The following CEP295 variants were observed in gnomAD, a reference collection of about 807,000 sequenced individuals.
CEP295 encodes centrosomal protein 295, also known as centrosomal protein of 295 kDa.
A neutral mutation model predicts 291.6 loss-of-function variants in CEP295; 190 were observed. The observed-to-expected ratio is 0.65, with a 90% confidence interval of 0.58 to 0.73. The LOEUF (loss-of-function observed/expected upper bound fraction) is 0.73. CEP295 is among the 30% of genes least tolerant of loss of function. The pLI is 0.00. For synonymous variants in CEP295, 993 were observed against 1,038.8 expected (o/e 0.96, Z 0.85); for missense variants, 2,863 against 2,949.4 (o/e 0.97, Z 0.68).
In CEP295 at chr11:93,666,519, G is replaced by A. The variant is rs117886525; in HGVS notation, c.-26-163G>A. On this transcript the variant is annotated intron_variant, in intron 1 of 29. Transcript: ENST00000325212. ...TGAGGCATGAGAATCGCTTGAACACGGGAAGCAGAGGTTACAGTAAGCTGA... is the reference window on the plus strand; with the variant it reads ...TGAGGCATGAGAATCGCTTGAACACAGGAAGCAGAGGTTACAGTAAGCTGA... 3.2e-3 allele frequency among the ~76,000 whole-genome samples: 481 copies of A among 152,206 alleles called. 10 individuals are homozygous for A. The East Asian group carries it at 0.051, about 16-fold the overall frequency.
intron 19 of CEP295, 142 bp downstream of exon 19, chr11:93,721,554 A>C: frequency 1.3e-6 from 1 of 775,406 alleles, no homozygotes; most frequent in South Asian, 1.4e-5. Flanking sequence ...TCAATGATGA[A>C]ACTAGCCAAA....
intron 18 of CEP295, among the ~76,000 whole-genome samples, chr11:93,712,756 T>C (rs1952992927): frequency 6.6e-6 from 1 of 152,144 alleles, no homozygotes; most frequent in South Asian, 2.1e-4. Flanking sequence ...TCCATTTACA[T>C]TGAACATTAT....
Position 93,702,781 on chromosome 11 carries a change from C to T in CEP295, c.5458C>T (p.His1820Tyr), listed in dbSNP as rs1272476612. The T allele has an allele frequency of 1.3e-6, 2 of 1,551,550 alleles. No homozygotes were observed. Among genetic ancestry groups the T allele is most frequent in the East Asian group, 4.9e-5 (2 of 40,914 alleles). The change falls in exon 17 of 30, where the codon CAT becomes TAT. Residue 1820 changes from histidine (H) to tyrosine (Y), a missense_variant. Physicochemically the swap from His to Tyr is moderately conservative, Grantham distance 83 (BLOSUM62 2). This residue lies in a region of CEP295 where 2,295 missense variants were observed against 2,335.7 expected (regional missense o/e 0.98). Coordinates refer to ENST00000325212, the MANE Select transcript of CEP295 (RefSeq NM_033395.2). ...CTTTGTCATTGACTTAATAGGTGAG[C>T]ATCTGGAGAAAGATCTGGGGAGAAG... is the stretch of plus-strand genomic sequence containing the variant. ...EDTSAKQSGEHLEKDLGRRSS... is the reference protein window; with the variant it reads ...EDTSAKQSGEYLEKDLGRRSS...
chr11:93,672,353 C>G (rs992841757), intron 5 of CEP295, among the ~76,000 whole-genome samples: 1 of 151,930 alleles, frequency 6.6e-6, no homozygotes, highest in African/African-American at 2.4e-5. Context: ...GAAGACTTCT[C>G]ATGTATCTAT....
chr11:93,692,294 A>G (rs1389587044), intron 12 of CEP295, among the ~76,000 whole-genome samples: 2 of 152,238 alleles, frequency 1.3e-5, no homozygotes, highest in South Asian at 2.1e-4. Flanking sequence ...AGCAGAGACT[A>G]TCTTCTTTAA....
At chr11:93,719,215 CGT>C (rs1953502734) in intron 18 of CEP295, among the ~76,000 whole-genome samples, 1 of 148,444 alleles carries the variant, frequency 6.7e-6, no homozygotes, top group South Asian at 2.1e-4. Flanking sequence ...TAGATGTGTA[CGT>C]GTGTGTGTGG....
In CEP295 at chr11:93,661,724, G is replaced by C. The variant is rs1292382149; in HGVS notation, c.-77G>C. ...GCAGCTGATGGGCAGGAGCTTACCAGGCTGGCTTGCTCTGAGCTGCGGTTA... is the reference window on the plus strand; with the variant it reads ...GCAGCTGATGGGCAGGAGCTTACCACGCTGGCTTGCTCTGAGCTGCGGTTA... On this transcript the variant is annotated 5_prime_UTR_variant, in exon 1 of 30. Coordinates refer to ENST00000325212, the MANE Select transcript of CEP295 (RefSeq NM_033395.2). 1 of 152,772 alleles carries C rather than the reference G, an allele frequency of 6.5e-6. No homozygotes were observed. The highest frequency in any genetic ancestry group is 1.5e-5 in the Non-Finnish European group (1 of 68,130). The allele number at this position is 152,772 out of a possible 1,614,324, so 9.5% of individuals were successfully genotyped here.
At chr11:93,703,643 A>T (rs1223533787) in intron 17 of CEP295, among the ~76,000 whole-genome samples, 3 of 132,932 alleles carry the variant, frequency 2.3e-5, no homozygotes, top group South Asian at 2.3e-4. Flanking sequence ...TTCTTTTCTT[A>T]TATTTTTATA....
At chr11:93,728,613 A>G in intron 24 of CEP295, 68 bp from the exon 25 acceptor site, 15 of 1,400,890 alleles carry the variant, frequency 1.1e-5, no homozygotes, top group South Asian at 1.5e-5. Context: ...TGCATTATAT[A>G]CAAAACGATT....
Sources: allele counts gnomAD v4.1 joint callset (sites outside exome capture counted in the v4.1 genomes callset), GRCh38; gene constraint gnomAD v4.1.1; regional missense constraint gnomAD v4.1.1; transcripts MANE v1.5; gene names NCBI Gene and HGNC (gene_info 2026-07-23, HGNC 2026-07-21).